MAF: variants seen among roughly 807,000 people sequenced by gnomAD.
MAF encodes the protein MAF bZIP transcription factor, also known as transcription factor Maf.
A neutral mutation model predicts 22.0 loss-of-function variants in MAF; 10 were observed. The observed-to-expected ratio is 0.45, with a 90% CI of 0.28 to 0.77. MAF has a LOEUF of 0.77. MAF is among the 30% of genes least tolerant of loss of function. MAF has a pLI of 0.12. For synonymous variants in MAF, 337 were observed against 255.8 expected, an observed-to-expected ratio of 1.32 and a Z score of -3.03; for missense variants, 544 against 548.4, an observed-to-expected ratio of 0.99 and a Z score of 0.08.
chr16:79,582,530 A>G (rs1386632544), downstream of MAF, among the ~76,000 whole-genome samples: 1 of 152,250 alleles, frequency 6.6e-6, no homozygotes, highest in Non-Finnish European at 1.5e-5. Context: ...ATGCTCTGCT[A>G]TAATTAATTG....
the MAF span, among the ~76,000 whole-genome samples, chr16:79,310,260 A>C: frequency 6.6e-6 from 1 of 152,226 alleles, no homozygotes; most frequent in African/African-American, 2.4e-5. Context: ...GTAATTTTGC[A>C]TGTAGGGAGG....
At chr16:79,222,777 G>A in the MAF span, among the ~76,000 whole-genome samples, 5 of 152,020 alleles carry the variant, frequency 3.3e-5, no homozygotes, top group Non-Finnish European at 7.4e-5. Context: ...GACAAAGAAG[G>A]GCATTACATA....
chr16:79,485,879 C>G, the MAF span, among the ~76,000 whole-genome samples: 440 of 152,250 alleles, frequency 2.9e-3, 1 homozygote, highest in Non-Finnish European at 5.0e-3. Context: ...AGCAAATTAG[C>G]AGAAAGGACT....
At chr16:79,476,028 T>A in the MAF span, among the ~76,000 whole-genome samples, 1 of 152,204 alleles carries the variant, frequency 6.6e-6, no homozygotes, top group African/African-American at 2.4e-5. Flanking sequence ...AGGGAGATGA[T>A]CCTAGGTGGG....
chr16:79,599,988 G>C lies in MAF; in HGVS notation c.-86C>G. ...CAGCGGGCTGTGCTGGGTGGCCAGC[G>C]GGTGAGCCAGCTTGCCGGGCTGGGG... On this transcript the variant is annotated 5_prime_UTR_variant, in exon 1 of 2. Coordinates refer to ENST00000326043, the MANE Select transcript of MAF (RefSeq NM_005360.5). The C allele has an allele frequency of 6.4e-7, 1 of 1,574,394 alleles. No homozygotes were observed. The highest frequency in any genetic ancestry group is 8.6e-7 in the Non-Finnish European group (1 of 1,162,570).
At chr16:79,517,736 G>A in the MAF span, among the ~76,000 whole-genome samples, 20 of 151,944 alleles carry the variant, frequency 1.3e-4, no homozygotes, top group Admixed American at 7.9e-4. Flanking sequence ...CATCATGCCC[G>A]GCTAATTTTT....
At chr16:79,508,564 C>T in the MAF span, among the ~76,000 whole-genome samples, 297 of 152,362 alleles carry the variant, frequency 1.9e-3, 2 homozygotes, top group African/African-American at 7.0e-3. Flanking sequence ...GCACCAAAGG[C>T]TCCCCAGCTC....
the MAF span, among the ~76,000 whole-genome samples, chr16:79,319,150 T>G: frequency 2.0e-5 from 3 of 152,308 alleles, no homozygotes; most frequent in African/African-American, 4.8e-5. Context: ...CAGAGAACTC[T>G]GGGCTGTGCC....
chr16:79,217,852 AG>A, the MAF span, among the ~76,000 whole-genome samples: 1 of 152,060 alleles, frequency 6.6e-6, no homozygotes, highest in Non-Finnish European at 1.5e-5. Context: ...TGGGGTTATG[AG>A]TGGTTTTGTT....
At chr16:79,342,278 C>T in the MAF span, among the ~76,000 whole-genome samples, 1 of 152,148 alleles carries the variant, frequency 6.6e-6, no homozygotes, top group Non-Finnish European at 1.5e-5. Context: ...TACAAGTGCC[C>T]CTTGCCAAGA....
At chr16:79,423,385 T>G in the MAF span, among the ~76,000 whole-genome samples, 6 of 152,264 alleles carry the variant, frequency 3.9e-5, no homozygotes, top group South Asian at 1.0e-3. Context: ...TGATGTGATG[T>G]CAGCCCCTCC....
At chr16:79,510,420 C>A in the MAF span, among the ~76,000 whole-genome samples, 2 of 152,166 alleles carry the variant, frequency 1.3e-5, no homozygotes, top group African/African-American at 4.8e-5. Context: ...TCCCCGCAGT[C>A]TGGGGACTAT....
intron 1 of MAF, chr16:79,597,596 A>G: frequency 9.8e-7 from 1 of 1,022,304 alleles, no homozygotes; most frequent in Non-Finnish European, 1.2e-6. Context: ...AGTTCTGAGT[A>G]ACTCAAAGCA....
chr16:79,310,901 G>C, the MAF span, among the ~76,000 whole-genome samples: 4 of 152,226 alleles, frequency 2.6e-5, no homozygotes, highest in African/African-American at 9.6e-5. Context: ...TCTTGGCAGA[G>C]TCTGCTGGCT....
At chr16:79,342,715 A>C in the MAF span, among the ~76,000 whole-genome samples, 7 of 152,122 alleles carry the variant, frequency 4.6e-5, no homozygotes, top group African/African-American at 1.7e-4. Flanking sequence ...ACAATACAAA[A>C]CATCTTACTA....
the MAF span, among the ~76,000 whole-genome samples, chr16:79,227,216 C>T: frequency 4.1e-3 from 616 of 151,992 alleles, 1 homozygote; most frequent in African/African-American, 0.014. Context: ...CCAGGCATGG[C>T]GGCACACACC....
downstream of MAF, among the ~76,000 whole-genome samples, chr16:79,591,274 G>T (rs760127780): frequency 1.4e-4 from 22 of 152,104 alleles, no homozygotes; most frequent in Non-Finnish European, 2.4e-4. Context: ...TGGGTTGAGG[G>T]GTGAGGGGCA....
At chr16:79,292,602 A>G in the MAF span, among the ~76,000 whole-genome samples, 1 of 152,178 alleles carries the variant, frequency 6.6e-6, no homozygotes, top group African/African-American at 2.4e-5. Flanking sequence ...TGAACCAGGC[A>G]ACTCCATCTT....
the MAF span, among the ~76,000 whole-genome samples, chr16:79,342,884 A>T: frequency 6.6e-6 from 1 of 152,176 alleles, no homozygotes; most frequent in Non-Finnish European, 1.5e-5. Flanking sequence ...ATGGGGTTCT[A>T]GGCCTCCAAA....
Sources: gnomAD v4.1 joint callset for allele counts (sites outside exome capture counted in the v4.1 genomes callset) on GRCh38, gnomAD v4.1.1 for gene constraint, MANE v1.5 for transcripts, NCBI Gene and HGNC (gene_info 2026-07-23, HGNC 2026-07-21) for gene names.